The following MRPL13 variants were observed in gnomAD, a reference collection of about 807,000 sequenced individuals.
MRPL13 encodes large ribosomal subunit protein uL13m.
Under a neutral mutation model 29.0 loss-of-function variants are expected in MRPL13, and 33 were observed. That is an observed-to-expected ratio of 1.14 (90% confidence interval 0.86 to 1.52). MRPL13 has a LOEUF of 1.52. Ranked by LOEUF, MRPL13 falls within the 40% of genes most tolerant of loss-of-function variation. The probability of loss-of-function intolerance (pLI) is 0.00; values close to 1 mark genes in which losing one functional copy is unlikely to be tolerated. For missense variants in MRPL13, 227 were observed against 216.7 expected, an observed-to-expected ratio of 1.05 and a Z score of -0.30; for synonymous variants, 77 against 68.4, an observed-to-expected ratio of 1.13 and a Z score of -0.62.
chr8:120,429,258 AAT>A (rs1812970072), intron 3 of MRPL13, among the ~76,000 whole-genome samples: 1 of 152,186 alleles, frequency 6.6e-6, no homozygotes, highest in African/African-American at 2.4e-5. Flanking sequence ...CAGAAAACCA[AAT>A]ACTGCATATT....
At chr8:120,435,541 A>T (rs912209097) in intron 2 of MRPL13, among the ~76,000 whole-genome samples, 6 of 152,074 alleles carry the variant, frequency 3.9e-5, no homozygotes, top group African/African-American at 1.4e-4. Context: ...ACATGATCTC[A>T]TTTTTTAATG....
chr8:120,410,309 T>G (rs530724584), intron 6 of MRPL13, among the ~76,000 whole-genome samples: 25 of 152,214 alleles, frequency 1.6e-4, no homozygotes, highest in Non-Finnish European at 3.2e-4. Flanking sequence ...CAAATTCCAG[T>G]TACTACATTC....
At chr8:120,408,644 T>C (rs1323999385) in intron 6 of MRPL13, among the ~76,000 whole-genome samples, 1 of 152,050 alleles carries the variant, frequency 6.6e-6, no homozygotes, top group African/African-American at 2.4e-5. Flanking sequence ...TAGAAGAAAA[T>C]TATGGAAAAT....
intron 5 of MRPL13, among the ~76,000 whole-genome samples, chr8:120,417,958 G>C (rs981353860): frequency 6.6e-6 from 1 of 151,974 alleles, no homozygotes; most frequent in African/African-American, 2.4e-5. Context: ...ATTTTAGCAT[G>C]ATTAACATAA....
intron 3 of MRPL13, among the ~76,000 whole-genome samples, chr8:120,428,147 AC>A (rs367568256): frequency 0.19 from 24,803 of 128,180 alleles, 2,234 homozygotes; most frequent in South Asian, 0.24. Context: ...AAAAAAAAAA[AC>A]CAGACACATA....
intron 5 of MRPL13, among the ~76,000 whole-genome samples, chr8:120,418,252 T>A (rs1338954666): frequency 6.6e-6 from 1 of 152,114 alleles, no homozygotes; most frequent in Non-Finnish European, 1.5e-5. Flanking sequence ...TTTAAAAAAT[T>A]GCACAATACT....
chr8:120,410,443 A>T (rs1812727183), intron 6 of MRPL13, among the ~76,000 whole-genome samples: 1 of 152,072 alleles, frequency 6.6e-6, no homozygotes, highest in South Asian at 2.1e-4. Context: ...AATAATAAAA[A>T]CCTCATGTTC....
At chr8:120,413,952 A>G (rs1488544789) in intron 6 of MRPL13, 39 bp downstream of exon 6, 1 of 1,470,936 alleles carries the variant, frequency 6.8e-7, no homozygotes, top group African/African-American at 1.5e-5. Flanking sequence ...AACAGAGGAT[A>G]TCAAAAGAAA....
At chr8:120,438,376 T>G (rs1005622221) in intron 2 of MRPL13, among the ~76,000 whole-genome samples, 30 of 152,172 alleles carry the variant, frequency 2.0e-4, no homozygotes, top group African/African-American at 6.5e-4. Context: ...AATTCAGTCT[T>G]TAAAAAGTAA....
At chr8:120,415,447 T>A (rs1314522518) in intron 5 of MRPL13, 2 of 150,562 alleles carry the variant, frequency 1.3e-5, no homozygotes, top group Non-Finnish European at 2.9e-5. Flanking sequence ...TCTTAAGACA[T>A]GTTGTCTTAA....
intron 6 of MRPL13, 90 bp from the exon 7 acceptor site, chr8:120,396,215 A>G (rs1168514817): frequency 2.0e-6 from 2 of 1,008,164 alleles, no homozygotes; most frequent in African/African-American, 1.6e-5. Context: ...TAAAATAAAA[A>G]TAACTGTTCA....
intron 6 of MRPL13, among the ~76,000 whole-genome samples, chr8:120,407,873 T>C (rs2130456285): frequency 1.3e-5 from 2 of 152,310 alleles, no homozygotes; most frequent in Admixed American, 1.3e-4. Context: ...AGTATAATGC[T>C]TATTCTATGA....
chr8:120,414,570 T>C (rs1812783479), intron 5 of MRPL13: 1 of 152,198 alleles, frequency 6.6e-6, no homozygotes, highest in African/African-American at 2.4e-5. Context: ...GTGCTGGCCA[T>C]ATAAAGGAAA....
chr8:120,427,549 T>C lies in MRPL13; in HGVS notation c.246-2183A>G, dbSNP rs550389056. Among the ~76,000 whole-genome samples the C allele has an allele frequency of 1.2e-4, 18 of 151,138 alleles. No individual in the cohort carries two copies. In the South Asian group the frequency reaches 3.8e-3, roughly 32 times the overall value. On this transcript the variant is annotated intron_variant, in intron 3 of 6. Transcript: ENST00000306185. ...ACACCAGCAACAGTCAAGCGGAGAGTCAAATCAGGAATGTACTCCCATTCA... is the reference window on the plus strand; with the variant it reads ...ACACCAGCAACAGTCAAGCGGAGAGCCAAATCAGGAATGTACTCCCATTCA...
At chr8:120,431,672 A>G (rs2130479308) in intron 3 of MRPL13, among the ~76,000 whole-genome samples, 1 of 152,268 alleles carries the variant, frequency 6.6e-6, no homozygotes, top group African/African-American at 2.4e-5. Context: ...GAGAAGAGTG[A>G]CCATTCCTTA....
chr8:120,417,707 T>A (rs1490808787), intron 5 of MRPL13, among the ~76,000 whole-genome samples: 1 of 152,104 alleles, frequency 6.6e-6, no homozygotes, highest in Non-Finnish European at 1.5e-5. Flanking sequence ...AGTTTTTGAG[T>A]ATTGCCTTAT....
At chr8:120,435,985 T>C (rs560155487) in intron 2 of MRPL13, among the ~76,000 whole-genome samples, 1 of 152,286 alleles carries the variant, frequency 6.6e-6, no homozygotes, top group East Asian at 1.9e-4. Flanking sequence ...TGTTTTTTGC[T>C]TGTAAATTTG....
At chr8:120,432,608 T>C (rs1045545762) in intron 2 of MRPL13, among the ~76,000 whole-genome samples, 1 of 152,118 alleles carries the variant, frequency 6.6e-6, no homozygotes, top group Non-Finnish European at 1.5e-5. Context: ...TATTATTTTT[T>C]GCAAATTTAG....
intron 5 of MRPL13, among the ~76,000 whole-genome samples, chr8:120,416,445 G>A (rs1812804825): frequency 6.6e-6 from 1 of 152,194 alleles, no homozygotes; most frequent in Non-Finnish European, 1.5e-5. Flanking sequence ...AGTGAGCCCA[G>A]ATTGTGCCAC....
Sources: allele counts gnomAD v4.1 joint callset (sites outside exome capture counted in the v4.1 genomes callset), GRCh38; gene constraint gnomAD v4.1.1; transcripts MANE v1.5; gene names NCBI Gene and HGNC (gene_info 2026-07-23, HGNC 2026-07-21).